Variants in MARCHF1 observed in about 807,000 individuals in gnomAD.
MARCHF1 encodes membrane associated ring-CH-type finger 1.
MARCHF1 carries 40 observed loss-of-function variants against 54.2 expected under a neutral mutation model. That is an observed-to-expected ratio of 0.74 (90% CI 0.57 to 0.96). The LOEUF is 0.96. Among genes scored for constraint, MARCHF1 ranks in the 40% least tolerant of loss-of-function variants. MARCHF1 has a pLI of 0.00. For missense variants in MARCHF1, 586 were observed against 656.5 expected, an observed-to-expected ratio of 0.89 and a Z score of 1.17; for synonymous variants, 236 against 236.3, an observed-to-expected ratio of 1.00 and a Z score of 0.01.
chr4:164,110,000 A>G (rs1257600255), intron 2 of MARCHF1, among the ~76,000 whole-genome samples: 1 of 149,960 alleles, frequency 6.7e-6, no homozygotes, highest in Non-Finnish European at 1.5e-5. Context: ...TCTCTTTGCC[A>G]TTGTTCACAC....
intron 3 of MARCHF1, among the ~76,000 whole-genome samples, chr4:163,932,119 G>GA (rs35426193): frequency 4.7e-5 from 7 of 149,754 alleles, no homozygotes; most frequent in East Asian, 2.0e-4. Context: ...TTGCTAAAAA[G>GA]AAAAAAAAAA....
intron 1 of MARCHF1, among the ~76,000 whole-genome samples, chr4:164,142,616 C>T (rs1368873258): frequency 1.3e-5 from 2 of 152,158 alleles, no homozygotes; most frequent in Non-Finnish European, 2.9e-5. Flanking sequence ...AGGGTCCTGT[C>T]TGTTAGAAGG....
chr4:164,066,690 G>GA (rs879873450), intron 2 of MARCHF1, among the ~76,000 whole-genome samples: 4 of 151,906 alleles, frequency 2.6e-5, no homozygotes, highest in Non-Finnish European at 4.4e-5. Flanking sequence ...TGCAGCCATA[G>GA]AAAAAAAATG....
chr4:163,528,915 C>G lies in MARCHF1; in HGVS notation c.1471G>C (p.Val491Leu). The G allele has an allele frequency of 6.2e-7, 1 of 1,613,350 alleles. No homozygotes were observed. The highest frequency in any genetic ancestry group is 1.1e-5 in the South Asian group (1 of 91,070). ...TCTGGGCAATTTTGTACAAAGATCA[C>G]ACGGTTGTAGGCCTTCAGCCTGCGC... ...LWRRLKAYNR[V>L]IFVQNCPDTA... Residue 491 changes from valine (V) to leucine (L), a missense_variant, in exon 10 of 10, where the codon GTG becomes CTG. Val to Leu is a conservative substitution (Grantham distance 32). This residue lies in a region of MARCHF1 where 106 missense variants were observed against 93.8 expected (regional missense o/e 1.13). Transcript: ENST00000514618.
intron 4 of MARCHF1, among the ~76,000 whole-genome samples, chr4:163,712,153 G>A (rs939771547): frequency 6.6e-6 from 1 of 152,126 alleles, no homozygotes; most frequent in African/African-American, 2.4e-5. Context: ...CTGCATGGTG[G>A]AATGTTTTCA....
rs1249365386 is a variant in MARCHF1 at position 163,526,227 on chromosome 4, T to C, written c.*2521A>G. The C allele has an allele frequency of 6.6e-6, 1 of 152,146 alleles. No homozygotes were observed. Among genetic ancestry groups the C allele is most frequent in the African/African-American group, 2.4e-5 (1 of 41,456 alleles). 9.4% of individuals were successfully genotyped at this position (152,146 alleles called of 1,614,324 possible). A position where few individuals can be genotyped will look rare whatever the true frequency, so the allele number is the denominator to read the frequency against. ...AGAAATGTTTTCTTAGTGTTAAAAG[T>C]GTAGCCCTTAATAAATGAGGCTTTA... On this transcript the variant is annotated 3_prime_UTR_variant, in exon 10 of 10. Coordinates refer to ENST00000514618, the MANE Select transcript of MARCHF1 (RefSeq NM_001394959.1).
At chr4:163,885,207 A>C (rs565844684) in intron 3 of MARCHF1, among the ~76,000 whole-genome samples, 1 of 152,306 alleles carries the variant, frequency 6.6e-6, no homozygotes, top group East Asian at 1.9e-4. Context: ...AAGGGAAAGT[A>C]TGCATTTGGT....
intron 3 of MARCHF1, among the ~76,000 whole-genome samples, chr4:163,929,093 G>T (rs1285818480): frequency 6.6e-6 from 1 of 151,940 alleles, no homozygotes; most frequent in Non-Finnish European, 1.5e-5. Context: ...TATTTTAATA[G>T]AGCTTAAGTA....
At chr4:163,650,907 T>C (rs1298218232) in intron 5 of MARCHF1, among the ~76,000 whole-genome samples, 1 of 151,860 alleles carries the variant, frequency 6.6e-6, no homozygotes, top group African/African-American at 2.4e-5. Flanking sequence ...ATGCCAGGAG[T>C]TCAAAATATT....
At chr4:164,099,878 G>A (rs1257667228) in intron 2 of MARCHF1, among the ~76,000 whole-genome samples, 1 of 152,102 alleles carries the variant, frequency 6.6e-6, no homozygotes. Flanking sequence ...GATGTGAAAA[G>A]TAGCAAGTGA....
rs17044365 is a variant in MARCHF1, at chr4:163,990,474, T to G, written c.-247-1765A>C. ...TAAAGTTCATATAGAGACAAATCTC[T>G]TGCTTAAAATAGTTTTAAAAAATAG... is the stretch of plus-strand genomic sequence containing the variant. On this transcript the variant is annotated intron_variant, in intron 2 of 9. Coordinates refer to ENST00000514618, the MANE Select transcript of MARCHF1 (RefSeq NM_001394959.1). 3.5e-3 allele frequency among the ~76,000 whole-genome samples: 528 copies of G among 152,308 alleles called. 3 individuals are homozygous for G. The highest frequency in any genetic ancestry group is 0.014 in the Middle Eastern group (4 of 294).
At chr4:163,672,133 T>C (rs1743759138) in intron 5 of MARCHF1, among the ~76,000 whole-genome samples, 1 of 152,204 alleles carries the variant, frequency 6.6e-6, no homozygotes, top group African/African-American at 2.4e-5. Flanking sequence ...ATCTTGAGCA[T>C]GTATTTTAAC....
chr4:164,284,334 C>G (rs73870845), intron 1 of MARCHF1, among the ~76,000 whole-genome samples: 1,291 of 117,598 alleles, frequency 0.011, 53 homozygotes, highest in African/African-American at 0.044. Flanking sequence ...GAGAGAGAGA[C>G]AGAGAGAGAG....
At chr4:163,567,558 G>A (rs1021887788) in intron 8 of MARCHF1, among the ~76,000 whole-genome samples, 2 of 152,184 alleles carry the variant, frequency 1.3e-5, no homozygotes, top group African/African-American at 4.8e-5. Context: ...AATCATGGGG[G>A]TGGGTATTTC....
chr4:164,050,302 A>AAAAAAAAAAAAAAAC (rs1754336520), intron 2 of MARCHF1, among the ~76,000 whole-genome samples: 1 of 149,084 alleles, frequency 6.7e-6, no homozygotes, highest in Non-Finnish European at 1.5e-5. Context: ...AAAAAAAAAA[A>AAAAAAAAAAAAAAAC]AAAGGCCCTA....
At chr4:163,751,197 T>G (rs928314313) in intron 4 of MARCHF1, among the ~76,000 whole-genome samples, 10 of 151,168 alleles carry the variant, frequency 6.6e-5, no homozygotes, top group Non-Finnish European at 1.3e-4. Context: ...CCCTCTATAT[T>G]GGCCATGTTG....
intron 1 of MARCHF1, among the ~76,000 whole-genome samples, chr4:164,308,908 C>T (rs1734768548): frequency 6.7e-6 from 1 of 148,750 alleles, no homozygotes; most frequent in African/African-American, 2.5e-5. Context: ...CCCTGTGACA[C>T]AAGTTTACCT....
At chr4:163,639,283 A>G (rs1186564538) in intron 5 of MARCHF1, among the ~76,000 whole-genome samples, 1 of 152,146 alleles carries the variant, frequency 6.6e-6, no homozygotes, top group Non-Finnish European at 1.5e-5. Flanking sequence ...TGTAATTTTT[A>G]TAGTCCCTGA....
In MARCHF1 at chr4:163,929,515, T is replaced by A. The variant is rs536472535; in HGVS notation, c.-39+58986A>T. On this transcript the variant is annotated intron_variant, in intron 3 of 9. Transcript: ENST00000514618. Reference sequence around the variant, plus strand: ...TTAACAATTTTTTCAGAAAAGCTCTTACAGTTCATTTTTGCCAATTAAGTA... The same window carrying A: ...TTAACAATTTTTTCAGAAAAGCTCTAACAGTTCATTTTTGCCAATTAAGTA... Among the ~76,000 whole-genome samples, 759 of 152,160 alleles carry A rather than the reference T, an allele frequency of 5.0e-3. 2 individuals are homozygous for A. The highest frequency in any genetic ancestry group is 0.013 in the Admixed American group (194 of 15,236).
Sources: allele counts gnomAD v4.1 joint callset (sites outside exome capture counted in the v4.1 genomes callset), GRCh38; gene constraint gnomAD v4.1.1; regional missense constraint gnomAD v4.1.1; transcripts MANE v1.5; gene names NCBI Gene and HGNC (gene_info 2026-07-23, HGNC 2026-07-21).